The following ZNF649 variants were observed in gnomAD, a reference collection of about 807,000 sequenced individuals.
The protein encoded by ZNF649 is zinc finger protein 649.
Under a neutral mutation model 14.1 loss-of-function variants are expected in ZNF649, and 7 were observed. The observed-to-expected ratio is 0.49, with a 90% confidence interval of 0.28 to 0.93. The LOEUF (loss-of-function observed/expected upper bound fraction) is 0.93, where lower values mean the gene tolerates loss of function less well. Among genes scored for constraint, ZNF649 ranks in the 40% least tolerant of loss-of-function variants. The pLI is 0.10. For synonymous variants in ZNF649, 227 were observed against 212.3 expected (o/e 1.07, Z -0.60); for missense variants, 544 against 608.1 (o/e 0.89, Z 1.11).
intron 1 of ZNF649, among the ~76,000 whole-genome samples, chr19:51,904,654 G>C (rs955268373): frequency 6.6e-6 from 1 of 152,024 alleles, no homozygotes; most frequent in Non-Finnish European, 1.5e-5. Context: ...GTGCTGGGCA[G>C]CGTCCCCCTA....
At chr19:51,894,622 C>T (rs73065048) in intron 4 of ZNF649, among the ~76,000 whole-genome samples, 4,180 of 152,304 alleles carry the variant, frequency 0.027, 70 homozygotes, top group Non-Finnish European at 0.039. Context: ...ACAATTCTTT[C>T]TGTATTTACT....
chr19:51,889,657 A>G lies in ZNF649; in HGVS notation c.*961T>C, dbSNP rs1279286643. The stretch of plus-strand genomic sequence containing the variant: ...ATCCCTTAGGGATTAGGACTTCAAC[A>G]TGTAAATTTGGAGAGGACATAAATA... On this transcript the variant is annotated 3_prime_UTR_variant, in exon 5 of 5. Transcript: ENST00000354957. 6.6e-6 allele frequency: 1 copy of G among 152,206 alleles called. No homozygotes were observed. The highest frequency in any genetic ancestry group is 6.5e-5 in the Admixed American group (1 of 15,282). The allele number at this position is 152,206 out of a possible 1,614,324, so 9.4% of individuals were successfully genotyped here.
chr19:51,899,104 A>G (rs55633023), intron 2 of ZNF649, among the ~76,000 whole-genome samples: 47,822 of 151,874 alleles, frequency 0.31, 9,417 homozygotes, highest in African/African-American at 0.56. Context: ...GTTGAAAGGC[A>G]CTGGTTATGA....
intron 2 of ZNF649, among the ~76,000 whole-genome samples, chr19:51,897,474 A>G (rs577944424): frequency 1.3e-5 from 2 of 152,298 alleles, no homozygotes; most frequent in East Asian, 3.9e-4. Context: ...TTGCAACCCT[A>G]AACTATATGC....
At chr19:51,892,381 A>G (rs1421167515) in intron 4 of ZNF649, among the ~76,000 whole-genome samples, 3 of 150,048 alleles carry the variant, frequency 2.0e-5, no homozygotes, top group African/African-American at 7.4e-5. Context: ...TCTCAAAAAA[A>G]AAAAAAAAAT....
At chr19:51,895,782 CAT>C (rs2085058429) in intron 4 of ZNF649, among the ~76,000 whole-genome samples, 1 of 151,862 alleles carries the variant, frequency 6.6e-6, no homozygotes. Flanking sequence ...TATATACACA[CAT>C]ACACACACAC....
chr19:51,899,072 C>T (rs1297793885), intron 2 of ZNF649, among the ~76,000 whole-genome samples: 1 of 152,156 alleles, frequency 6.6e-6, no homozygotes, highest in Non-Finnish European at 1.5e-5. Context: ...TGAGCCACCT[C>T]ATTACCATAA....
Position 51,891,720 on chromosome 19 carries a change from A to G in ZNF649, c.416T>C (p.Leu139Pro), listed in dbSNP as rs746450425. The change falls in exon 5 of 5, where the codon CTC (leucine) becomes CCC (proline). Residue 139 changes from leucine (L) to proline (P), a missense_variant. By Grantham distance (98) the Leu-to-Pro change is moderately conservative. Transcript: ENST00000354957. This position sits in a 1 kb window ranked among gnomAD's most constrained non-coding sequence, Gnocchi z 4.2. ...AGGCATTTGTTCATGATTATCATGGAGAAAAGCTCCATCTCCATTAAACTC... is the reference window on the plus strand; with the variant it reads ...AGGCATTTGTTCATGATTATCATGGGGAAAAGCTCCATCTCCATTAAACTC... ...PAEFNGDGAF[L>P]HDNHEQMPTE... is the part of the protein sequence containing the mutation. 6.2e-7 allele frequency: 1 copy of G among 1,613,524 alleles called. No homozygotes were observed. Among genetic ancestry groups the G allele is most frequent in the South Asian group, 1.1e-5 (1 of 90,938 alleles).
chr19:51,895,480 A>G (rs1408275636), intron 4 of ZNF649, among the ~76,000 whole-genome samples: 2 of 151,988 alleles, frequency 1.3e-5, no homozygotes, highest in Non-Finnish European at 2.9e-5. Context: ...AGTAGCTGGG[A>G]CTACAGGCAC....
At chr19:51,893,150 T>A (rs1406326068) in intron 4 of ZNF649, among the ~76,000 whole-genome samples, 1 of 152,226 alleles carries the variant, frequency 6.6e-6, no homozygotes, top group Non-Finnish European at 1.5e-5. Flanking sequence ...TGCCGGAGTC[T>A]GTGCAGACTT....
rs1599885117 is a variant in ZNF649 at position 51,891,849 on chromosome 19, T to G, written c.287A>C (p.Lys96Thr). 6.3e-7 allele frequency: 1 copy of G among 1,583,804 alleles called. No homozygotes were observed. Among genetic ancestry groups the G allele is most frequent in the Middle Eastern group, 1.7e-4 (1 of 5,876 alleles). Residue 96 changes from lysine to threonine, a missense_variant, in exon 5 of 5, where the codon AAA (lysine) becomes ACA (threonine). Transcript: ENST00000354957. This position sits in a 1 kb window ranked among gnomAD's most constrained non-coding sequence, Gnocchi z 4.2. ...DHLQQPLQNQ[K>T]ILKRTGQRYE... Reference sequence around the variant, plus strand: ...GCGTTGTCCCGTCCTCTTCAGTATTTTTTGGTTTTGCAAGGGCTGCTGCAG... The same window carrying G: ...GCGTTGTCCCGTCCTCTTCAGTATTGTTTGGTTTTGCAAGGGCTGCTGCAG...
chr19:51,898,135 T>C (rs1197097487), intron 2 of ZNF649, among the ~76,000 whole-genome samples: 2 of 151,862 alleles, frequency 1.3e-5, no homozygotes, highest in Non-Finnish European at 2.9e-5. Flanking sequence ...TGTGGTTCTT[T>C]CTGACACCAA....
chr19:51,897,069 G>A (rs961086818), intron 2 of ZNF649, 91 bp from the exon 3 acceptor site: 103 of 1,555,874 alleles, frequency 6.6e-5, no homozygotes, highest in Non-Finnish European at 8.2e-5. Flanking sequence ...CACATAAGCT[G>A]CACCTGCACA....
chr19:51,894,057 T>G (rs1255067227), intron 4 of ZNF649, among the ~76,000 whole-genome samples: 1 of 152,170 alleles, frequency 6.6e-6, no homozygotes, highest in Non-Finnish European at 1.5e-5. Context: ...GCATCCACTT[T>G]AAGTTCCCAC....
At chr19:51,900,501 C>T (rs61342000) in intron 1 of ZNF649, 3,369 of 182,650 alleles carry the variant, frequency 0.018, 121 homozygotes, top group African/African-American at 0.074. Context: ...AACCAGGAGC[C>T]GGCATATCTG....
chr19:51,895,814 C>T (rs774985109), intron 4 of ZNF649, among the ~76,000 whole-genome samples: 5 of 151,994 alleles, frequency 3.3e-5, no homozygotes, highest in South Asian at 2.1e-4. Context: ...TATACACACA[C>T]GCATATACAT....
chr19:51,899,095 T>C (rs1310564390), intron 2 of ZNF649, among the ~76,000 whole-genome samples: 1 of 152,048 alleles, frequency 6.6e-6, no homozygotes, highest in Non-Finnish European at 1.5e-5. Context: ...TCAGGTGTGG[T>C]TGAAAGGCAC....
At chr19:51,893,991 G>A (rs775128309) in intron 4 of ZNF649, among the ~76,000 whole-genome samples, 1 of 152,082 alleles carries the variant, frequency 6.6e-6, no homozygotes, top group African/African-American at 2.4e-5. Flanking sequence ...CTGAATTACT[G>A]GCACAGAAAA....
Position 51,896,954 on chromosome 19 carries a change from C to G in ZNF649, c.40G>C (p.Ala14Pro). The G allele has an allele frequency of 6.2e-7, 1 of 1,614,222 alleles. No homozygotes were observed. Among genetic ancestry groups the G allele is most frequent in the Non-Finnish European group, 8.5e-7 (1 of 1,180,030 alleles). The change falls in exon 3 of 5, where the codon GCT becomes CCT. Residue 14 changes from alanine to proline, a missense_variant. Coordinates refer to ENST00000354957, the MANE Select transcript of ZNF649 (RefSeq NM_023074.4). Reference sequence around the variant, plus strand: ...CACTCCTCCCAGGTGAAGTCCACAGCCACATCCTCCAGGGTCAGTGATTCC... The same window carrying G: ...CACTCCTCCCAGGTGAAGTCCACAGGCACATCCTCCAGGGTCAGTGATTCC... ...AQESLTLEDVAVDFTWEEWQF... is the reference protein window; with the variant it reads ...AQESLTLEDVPVDFTWEEWQF...
Sources: allele counts gnomAD v4.1 joint callset (sites outside exome capture counted in the v4.1 genomes callset), GRCh38; gene constraint gnomAD v4.1.1; non-coding constraint Gnocchi (gnomAD v3.1); transcripts MANE v1.5; gene names NCBI Gene and HGNC (gene_info 2026-07-23, HGNC 2026-07-21).